Variants in FAM221A observed in about 807,000 individuals in gnomAD.
FAM221A encodes the protein family with sequence similarity 221 member A, also known as protein FAM221A.
FAM221A carries 43 observed loss-of-function variants against 37.6 expected under a neutral mutation model. The observed-to-expected ratio is 1.15, with a 90% confidence interval of 0.90 to 1.48. FAM221A has a LOEUF of 1.48. Among genes scored for constraint, FAM221A ranks in the 40% most tolerant of loss-of-function variants. The pLI is 0.00. For missense variants in FAM221A, 361 were observed against 361.5 expected, an observed-to-expected ratio of 1.00 and a Z score of 0.01; for synonymous variants, 135 against 132.9, an observed-to-expected ratio of 1.02 and a Z score of -0.11.
chr7:23,700,654 T>G, intron 5 of FAM221A, 132 bp from the exon 6 acceptor site: 2 of 589,018 alleles, frequency 3.4e-6, no homozygotes, highest in Non-Finnish European at 5.9e-6. Context: ...GTAGGACCAA[T>G]TATTCATTTA....
At chr7:23,681,315 TG>T (rs1784025119) in intron 1 of FAM221A, among the ~76,000 whole-genome samples, 2 of 152,198 alleles carry the variant, frequency 1.3e-5, no homozygotes, top group Admixed American at 1.3e-4. Flanking sequence ...ACTGATAACT[TG>T]GATATTTAGA....
At position 23,702,252 on chromosome 7, in the gene FAM221A, A is replaced by G; in HGVS notation, c.*88A>G. On this transcript the variant is annotated 3_prime_UTR_variant, in exon 7 of 7. Transcript: ENST00000344962. ...AATACAGTTTATTTTTCCTGAAATT[A>G]TTTACTTTTTTTTTTTACTGTATAA... is the stretch of plus-strand genomic sequence containing the variant. 1 of 838,188 alleles carries G rather than the reference A, an allele frequency of 1.2e-6. No homozygotes were observed. The allele number at this position is 838,188 out of a possible 1,614,324, so 51.9% of individuals were successfully genotyped here.
chr7:23,680,538 C>T (rs1783968039), intron 1 of FAM221A, among the ~76,000 whole-genome samples: 1 of 152,316 alleles, frequency 6.6e-6, no homozygotes, highest in East Asian at 1.9e-4. Flanking sequence ...AGAAGGATGA[C>T]TAACTCTAGA....
intron 1 of FAM221A, chr7:23,680,574 T>A: frequency 5.3e-6 from 2 of 378,956 alleles, no homozygotes; most frequent in Non-Finnish European, 9.5e-6. Flanking sequence ...AGCTGTTTTT[T>A]AAATGGCCAT....
intron 1 of FAM221A, among the ~76,000 whole-genome samples, chr7:23,683,733 T>C (rs1784197699): frequency 6.6e-6 from 1 of 152,164 alleles, no homozygotes; most frequent in Admixed American, 6.5e-5. Context: ...ACTAGGTTCA[T>C]GGCTGAGACA....
chr7:23,687,852 C>G (rs1279065346), intron 2 of FAM221A: 2 of 151,616 alleles, frequency 1.3e-5, no homozygotes, highest in African/African-American at 2.4e-5. Flanking sequence ...ATCATGTTGC[C>G]CAGGTTGGTC....
chr7:23,684,479 A>G lies in FAM221A; in HGVS notation c.66-20A>G. The G allele has an allele frequency of 1.3e-6, 2 of 1,542,402 alleles. No homozygotes were observed. Among genetic ancestry groups the G allele is most frequent in the Non-Finnish European group, 1.8e-6 (2 of 1,134,544 alleles). ...AAATAAATACTCAAAGCTTAAGAGAAATATATATTTTTGTTGTAGAATTGT... is the reference window on the plus strand; with the variant it reads ...AAATAAATACTCAAAGCTTAAGAGAGATATATATTTTTGTTGTAGAATTGT... On this transcript the variant is annotated intron_variant, in intron 1 of 6. Coordinates refer to ENST00000344962, the MANE Select transcript of FAM221A (RefSeq NM_199136.5).
Position 23,684,536 on chromosome 7 carries a change from C to G in FAM221A, c.103C>G (p.Pro35Ala), listed in dbSNP as rs1205657040. 1.2e-6 allele frequency: 2 copies of G among 1,612,270 alleles called. No individual in the cohort carries two copies. Among genetic ancestry groups the G allele is most frequent in the Non-Finnish European group, 8.5e-7 (1 of 1,179,426 alleles). ...GEDDGGKLFT[P>A]EEYEEYKRKV... ...GGATGATGGAGGGAAACTTTTTACT[C>G]CTGAAGAATATGAAGAATACAAAAG... Residue 35 changes from proline (P) to alanine (A), a missense_variant, in exon 2 of 7, where the codon CCT becomes GCT. Coordinates refer to ENST00000344962, the MANE Select transcript of FAM221A (RefSeq NM_199136.5).
At chr7:23,689,843 A>G (rs937262802) in intron 3 of FAM221A, among the ~76,000 whole-genome samples, 2 of 152,090 alleles carry the variant, frequency 1.3e-5, no homozygotes, top group East Asian at 3.9e-4. Flanking sequence ...AAGTCAAAAA[A>G]CTTTTATGGT....
Position 23,680,236 on chromosome 7 carries a change from G to C in FAM221A, c.18G>C (p.Leu6Phe), listed in dbSNP as rs975807501. The change falls in exon 1 of 7, where the codon TTG becomes TTC. Residue 6 changes from leucine (L) to phenylalanine (F), a missense_variant. Coordinates refer to ENST00000344962, the MANE Select transcript of FAM221A (RefSeq NM_199136.5). The part of the protein sequence containing the change: MERLT[L>F]PLGGAAAVDE... Reference sequence around the variant, plus strand: ...CACCGGCAATGGAGCGGTTGACGTTGCCTCTCGGCGGCGCGGCGGCGGTGG... The same window carrying C: ...CACCGGCAATGGAGCGGTTGACGTTCCCTCTCGGCGGCGCGGCGGCGGTGG... 1.4e-5 allele frequency: 22 copies of C among 1,549,606 alleles called. No homozygotes were observed. Among genetic ancestry groups the C allele is most frequent in the Non-Finnish European group, 1.7e-5 (20 of 1,146,156 alleles).
intron 4 of FAM221A, chr7:23,694,317 G>T (rs905022105): frequency 6.6e-6 from 1 of 152,104 alleles, no homozygotes; most frequent in South Asian, 2.1e-4. Flanking sequence ...GCTTCCTGGT[G>T]TGTCATGATA....
At chr7:23,683,872 T>C (rs1175612903) in intron 1 of FAM221A, among the ~76,000 whole-genome samples, 1 of 152,176 alleles carries the variant, frequency 6.6e-6, no homozygotes, top group Admixed American at 6.5e-5. Flanking sequence ...CTGGAAGATA[T>C]CGCCAGACCA....
At chr7:23,681,830 T>C (rs1478093282) in intron 1 of FAM221A, among the ~76,000 whole-genome samples, 1 of 152,116 alleles carries the variant, frequency 6.6e-6, no homozygotes, top group Non-Finnish European at 1.5e-5. Flanking sequence ...TACCTAGATA[T>C]GAAAAGGTGG....
At chr7:23,684,852 G>A (rs1180406260) in intron 2 of FAM221A, among the ~76,000 whole-genome samples, 180 bp downstream of exon 2, 6 of 152,194 alleles carry the variant, frequency 3.9e-5, no homozygotes, top group East Asian at 1.9e-4. Flanking sequence ...TTGGGAGGCC[G>A]AGGCCGGAGG....
chr7:23,694,711 G>A (rs1423727377), intron 4 of FAM221A: 1 of 152,170 alleles, frequency 6.6e-6, no homozygotes, highest in Non-Finnish European at 1.5e-5. Flanking sequence ...TAGCAGGGTT[G>A]GGTTCAACCT....
chr7:23,690,383 T>G (rs1784672495), intron 3 of FAM221A, among the ~76,000 whole-genome samples: 1 of 151,562 alleles, frequency 6.6e-6, no homozygotes, highest in Non-Finnish European at 1.5e-5. Context: ...TTTTGTATTT[T>G]TAGTAGAGAC....
At chr7:23,695,114 G>A (rs973397323) in intron 4 of FAM221A, among the ~76,000 whole-genome samples, 5 of 152,104 alleles carry the variant, frequency 3.3e-5, no homozygotes, top group African/African-American at 1.2e-4. Context: ...GCCTGTGGGC[G>A]CATGCCAGTA....
At chr7:23,701,449 C>T (rs1785451027) in intron 6 of FAM221A, among the ~76,000 whole-genome samples, 2 of 151,988 alleles carry the variant, frequency 1.3e-5, no homozygotes, top group Admixed American at 6.6e-5. Context: ...CTGTGTTAGC[C>T]AGGATGGTCT....
intron 2 of FAM221A, among the ~76,000 whole-genome samples, chr7:23,684,890 C>T (rs921522451): frequency 6.6e-6 from 1 of 152,068 alleles, no homozygotes; most frequent in Admixed American, 6.6e-5. Context: ...GTTTAGTCTG[C>T]AGTGAGCTAT....
Sources: gnomAD v4.1 joint callset for allele counts (sites outside exome capture counted in the v4.1 genomes callset) on GRCh38, gnomAD v4.1.1 for gene constraint, MANE v1.5 for transcripts, NCBI Gene and HGNC (gene_info 2026-07-23, HGNC 2026-07-21) for gene names.